The following HTR2C variants were observed in gnomAD, a reference collection of about 807,000 sequenced individuals.
The protein encoded by HTR2C is 5-hydroxytryptamine receptor 2C.
HTR2C carries 5 observed loss-of-function variants against 21.0 expected under a neutral mutation model. The ratio of observed to expected loss-of-function variants is 0.24; its 90% confidence interval spans 0.12 to 0.50. The LOEUF is 0.50. Ranked by LOEUF, HTR2C falls within the 20% of genes least tolerant of loss-of-function variation. The probability of loss-of-function intolerance (pLI) is 0.98; values close to 1 mark genes in which losing one functional copy is unlikely to be tolerated. For missense variants in HTR2C, 271 were observed against 371.2 expected (o/e 0.73, Z 2.22); for synonymous variants, 150 against 145.3 (o/e 1.03, Z -0.23).
chrX:114,621,107 C>T (rs782667695), intron 2 of HTR2C, among the ~76,000 whole-genome samples: 1 of 111,851 alleles, frequency 8.9e-6, no homozygotes, highest in Admixed American at 9.5e-5. Flanking sequence ...TCTCAAACTC[C>T]GGACCTCAAG....
chrX:114,861,645 G>A (rs1556472965), intron 5 of HTR2C, among the ~76,000 whole-genome samples: 1 of 110,720 alleles, frequency 9.0e-6, no homozygotes, highest in Non-Finnish European at 1.9e-5. Context: ...CCACGCATTT[G>A]CCAACACAGG....
chrX:114,734,090 A>T (rs1182228096), intron 4 of HTR2C, among the ~76,000 whole-genome samples: 2 of 111,580 alleles, frequency 1.8e-5, no homozygotes, highest in African/African-American at 6.5e-5. Flanking sequence ...AAATTAACTG[A>T]ATTCAGGACA....
intron 4 of HTR2C, among the ~76,000 whole-genome samples, chrX:114,779,390 C>T (rs2070093237): frequency 2.2e-5 from 2 of 92,777 alleles, no homozygotes; most frequent in African/African-American, 7.9e-5. Flanking sequence ...TCCCCCTTAC[C>T]TACAACCATT....
Position 114,802,698 on chromosome X carries a change from C to CT in HTR2C, c.350-45302dup, listed in dbSNP as rs1242831926. On this transcript the variant is annotated intron_variant, in intron 4 of 5. Coordinates refer to ENST00000276198, the MANE Select transcript of HTR2C (RefSeq NM_000868.4). Reference sequence around the variant, plus strand: ...CTATGCTTAGATTCTTTCTTTCTTTCTTTCTTTCTTTCTTTCTTTCTTTCT... The same window carrying CT: ...CTATGCTTAGATTCTTTCTTTCTTTCTTTTCTTTCTTTCTTTCTTTCTTTCT... 7.5e-5 allele frequency among the ~76,000 whole-genome samples: 7 copies of CT among 93,265 alleles called. No individual in the cohort carries two copies. The East Asian group carries it at 2.1e-3, about 28-fold the overall frequency. The allele number at this position is 93,265 out of a possible 115,157, so 81.0% of individuals were successfully genotyped here.
intron 2 of HTR2C, among the ~76,000 whole-genome samples, chrX:114,713,298 C>T (rs1352120590): frequency 9.0e-6 from 1 of 111,390 alleles, no homozygotes; most frequent in Non-Finnish European, 1.9e-5. Context: ...ACTGCAAAAC[C>T]ATGATGCAAT....
chrX:114,627,422 A>G lies in HTR2C; in HGVS notation c.-80+13541A>G, dbSNP rs782152362. On this transcript the variant is annotated intron_variant, in intron 2 of 5. Coordinates refer to ENST00000276198, the MANE Select transcript of HTR2C (RefSeq NM_000868.4). Reference sequence around the variant, plus strand: ...GATGGAGAACTATTATGTGATCAGCACTATGCCAGGAATTACTGGGGTTGC... The same window carrying G: ...GATGGAGAACTATTATGTGATCAGCGCTATGCCAGGAATTACTGGGGTTGC... Among the ~76,000 whole-genome samples, 12 of 111,616 alleles carry G rather than the reference A, an allele frequency of 1.1e-4. No homozygotes were observed. In the South Asian group the frequency reaches 4.2e-3, roughly 39 times the overall value.
intron 4 of HTR2C, among the ~76,000 whole-genome samples, chrX:114,803,000 T>C (rs1459727474): frequency 8.4e-5 from 7 of 82,958 alleles, no homozygotes; most frequent in Non-Finnish European, 1.4e-4. Context: ...TTTGTTCTTG[T>C]GATAGTTTAC....
intron 5 of HTR2C, among the ~76,000 whole-genome samples, chrX:114,852,994 T>C (rs2070932014): frequency 9.0e-6 from 1 of 111,546 alleles, no homozygotes; most frequent in African/African-American, 3.3e-5. Context: ...GTTGAACCAT[T>C]TTGCATTCCC....
At chrX:114,779,440 G>A (rs1206946133) in intron 4 of HTR2C, among the ~76,000 whole-genome samples, 1 of 111,413 alleles carries the variant, frequency 9.0e-6, no homozygotes, top group African/African-American at 3.3e-5. Flanking sequence ...CTTTCAGAGT[G>A]TACCTGTTAA....
chrX:114,616,015 C>G (rs1233967637), intron 2 of HTR2C, among the ~76,000 whole-genome samples: 1 of 111,743 alleles, frequency 8.9e-6, no homozygotes, highest in African/African-American at 3.3e-5. Flanking sequence ...AGGCCTTTGC[C>G]TACTTCACTT....
chrX:114,886,221 A>T (rs1023192263), intron 5 of HTR2C, among the ~76,000 whole-genome samples: 6 of 110,436 alleles, frequency 5.4e-5, no homozygotes, highest in African/African-American at 9.8e-5. Context: ...TTTAATTTCA[A>T]TATATTTGTA....
intron 2 of HTR2C, among the ~76,000 whole-genome samples, chrX:114,724,866 A>ATT (rs1933388201): frequency 2.0e-5 from 2 of 102,013 alleles, no homozygotes; most frequent in South Asian, 5.1e-4. Flanking sequence ...TGGCTTGTGG[A>ATT]GTTTCTGCCG....
At chrX:114,739,625 TAAC>T (rs2069624887) in intron 4 of HTR2C, among the ~76,000 whole-genome samples, 1 of 111,190 alleles carries the variant, frequency 9.0e-6, no homozygotes, top group African/African-American at 3.3e-5. Flanking sequence ...ATAATAATAA[TAAC>T]AATAATACAT....
At chrX:114,677,991 T>C (rs935737471) in intron 2 of HTR2C, among the ~76,000 whole-genome samples, 4 of 110,681 alleles carry the variant, frequency 3.6e-5, no homozygotes, top group African/African-American at 1.3e-4. Context: ...TCGTGATAGA[T>C]AAGATCGTTC....
chrX:114,771,887 G>A (rs1293027457), intron 4 of HTR2C, among the ~76,000 whole-genome samples: 1 of 111,949 alleles, frequency 8.9e-6, no homozygotes, highest in Non-Finnish European at 1.9e-5. Context: ...TGTTTCAAAG[G>A]AATTATTGTA....
chrX:114,749,229 G>A (rs782189853), intron 4 of HTR2C, among the ~76,000 whole-genome samples: 6 of 108,910 alleles, frequency 5.5e-5, no homozygotes, highest in East Asian at 2.9e-4. Flanking sequence ...CAGGAGGATC[G>A]CTTGAGCCCA....
chrX:114,781,781 G>A (rs1441282809), intron 4 of HTR2C, among the ~76,000 whole-genome samples: 13 of 101,443 alleles, frequency 1.3e-4, no homozygotes, highest in Non-Finnish European at 2.2e-4. Context: ...GATTACAAGC[G>A]TGAGCCACCA....
At chrX:114,787,224 T>C (rs1170920670) in intron 4 of HTR2C, among the ~76,000 whole-genome samples, 1 of 111,771 alleles carries the variant, frequency 8.9e-6, no homozygotes, top group African/African-American at 3.3e-5. Flanking sequence ...ACAACACAAA[T>C]CCACCAATAA....
intron 5 of HTR2C, among the ~76,000 whole-genome samples, chrX:114,884,424 T>C (rs782015666): frequency 1.2e-4 from 13 of 111,201 alleles, no homozygotes; most frequent in African/African-American, 3.9e-4. Flanking sequence ...ACGTTAATAT[T>C]CAAAATATGT....
Sources: allele counts gnomAD v4.1 joint callset (sites outside exome capture counted in the v4.1 genomes callset), GRCh38; gene constraint gnomAD v4.1.1; transcripts MANE v1.5; gene names NCBI Gene and HGNC (gene_info 2026-07-23, HGNC 2026-07-21).